Variants in PPARGC1A observed in about 807,000 individuals in gnomAD.
The protein encoded by PPARGC1A is peroxisome proliferator-activated receptor gamma coactivator 1-alpha.
In PPARGC1A, 25 loss-of-function variants were observed where a neutral mutation model predicts 88.7. The ratio of observed to expected loss-of-function variants is 0.28; its 90% CI spans 0.21 to 0.39. PPARGC1A has a LOEUF of 0.39. Among genes scored for constraint, PPARGC1A ranks in the 10% least tolerant of loss-of-function variants. The pLI, the probability that PPARGC1A is intolerant of heterozygous loss-of-function variation, is 1.00. For missense variants in PPARGC1A, 880 were observed against 968.7 expected (o/e 0.91, Z 1.22); for synonymous variants, 363 against 355.6 (o/e 1.02, Z -0.24).
chr4:23,850,671 T>C (rs1225745407), intron 2 of PPARGC1A, among the ~76,000 whole-genome samples: 1 of 152,192 alleles, frequency 6.6e-6, no homozygotes, highest in Non-Finnish European at 1.5e-5. Context: ...ACGCTCTTGC[T>C]GTGCACTAGG....
chr4:24,378,963 A>C, the PPARGC1A span, among the ~76,000 whole-genome samples: 1 of 152,210 alleles, frequency 6.6e-6, no homozygotes, highest in African/African-American at 2.4e-5. Flanking sequence ...AGTCCTTACT[A>C]TTCATAAAAA....
intron 2 of PPARGC1A, among the ~76,000 whole-genome samples, chr4:23,849,749 T>A (rs1168689574): frequency 6.6e-6 from 1 of 152,130 alleles, no homozygotes; most frequent in Non-Finnish European, 1.5e-5. Flanking sequence ...AAGGTCATAG[T>A]CTTGTTTCAT....
At chr4:24,161,451 T>G in the PPARGC1A span, among the ~76,000 whole-genome samples, 1 of 152,070 alleles carries the variant, frequency 6.6e-6, no homozygotes, top group Admixed American at 6.6e-5. Flanking sequence ...CTATGGGATG[T>G]GGGGCTGTGT....
chr4:24,441,895 G>A, the PPARGC1A span, among the ~76,000 whole-genome samples: 11 of 152,232 alleles, frequency 7.2e-5, no homozygotes, highest in Non-Finnish European at 1.3e-4. Context: ...AGCTACAAAT[G>A]CAAAATGCAG....
rs761084263 is a variant in PPARGC1A at position 23,812,769 on chromosome 4, T to A, written c.1997A>T (p.Glu666Val). The change falls in exon 10 of 13, where the codon GAG becomes GTG. Residue 666 changes from glutamate to valine, a missense_variant. Transcript: ENST00000264867. Reference sequence around the variant, plus strand: ...TACAATTGCCTTCTGCCTCTGCCTCTCCCTTTGCTTGGCCCTCTCAGACTC... The same window carrying A: ...TACAATTGCCTTCTGCCTCTGCCTCACCCTTTGCTTGGCCCTCTCAGACTC... ...KRESERAKQRERQRQKAIEER... is the reference protein window; with the variant it reads ...KRESERAKQRVRQRQKAIEER... 6.2e-7 allele frequency: 1 copy of A among 1,614,030 alleles called. No homozygotes were observed. The highest frequency in any genetic ancestry group is 1.1e-5 in the South Asian group (1 of 91,076).
chr4:24,112,352 T>C, the PPARGC1A span, among the ~76,000 whole-genome samples: 1 of 152,206 alleles, frequency 6.6e-6, no homozygotes, highest in African/African-American at 2.4e-5. Context: ...TTCTATTTTT[T>C]ACAGAAAAGC....
At chr4:24,086,601 T>C in the PPARGC1A span, among the ~76,000 whole-genome samples, 7 of 152,226 alleles carry the variant, frequency 4.6e-5, no homozygotes, top group Non-Finnish European at 1.0e-4. Flanking sequence ...ATCATTATAA[T>C]GACCTGCCGT....
chr4:24,027,227 C>CTGTGTGTGTCTG, the PPARGC1A span, among the ~76,000 whole-genome samples: 23 of 132,792 alleles, frequency 1.7e-4, no homozygotes, highest in South Asian at 5.0e-4. Flanking sequence ...GTCTGTGTGT[C>CTGTGTGTGTCTG]TGTGTGTGTC....
the PPARGC1A span, among the ~76,000 whole-genome samples, chr4:24,259,887 G>A: frequency 6.6e-6 from 1 of 152,118 alleles, no homozygotes; most frequent in Non-Finnish European, 1.5e-5. Context: ...AAGACTCAGT[G>A]AAATGCTCCT....
At chr4:23,904,906 G>A (rs948668277), upstream of PPARGC1A, among the ~76,000 whole-genome samples, 1 of 152,172 alleles carries the variant, frequency 6.6e-6, no homozygotes, top group African/African-American at 2.4e-5. Flanking sequence ...GACAGCCGCT[G>A]GCTCTTAAAG....
intron 7 of PPARGC1A, among the ~76,000 whole-genome samples, chr4:23,817,537 C>T (rs1722202716): frequency 6.6e-6 from 1 of 152,044 alleles, no homozygotes; most frequent in Admixed American, 6.6e-5. Context: ...TGCATATACA[C>T]TTAAAATTGA....
At chr4:24,135,873 A>G in the PPARGC1A span, among the ~76,000 whole-genome samples, 1 of 152,314 alleles carries the variant, frequency 6.6e-6, no homozygotes, top group African/African-American at 2.4e-5. Flanking sequence ...ATGCATCGCT[A>G]TCATGGGAGT....
At chr4:24,292,654 T>TG in the PPARGC1A span, among the ~76,000 whole-genome samples, 1 of 52,458 alleles carries the variant, frequency 1.9e-5, no homozygotes. Context: ...CCCCACCCCT[T>TG]CCTGTGCTCC....
chr4:24,304,618 A>G, the PPARGC1A span, among the ~76,000 whole-genome samples: 9 of 152,160 alleles, frequency 5.9e-5, no homozygotes, highest in Non-Finnish European at 1.2e-4. Context: ...CAGACCTCCA[A>G]ATTCAACCCT....
At chr4:24,257,435 G>C in the PPARGC1A span, among the ~76,000 whole-genome samples, 1 of 152,194 alleles carries the variant, frequency 6.6e-6, no homozygotes, top group Non-Finnish European at 1.5e-5. Context: ...TGGGCATGTA[G>C]CTGGCCAATC....
the PPARGC1A span, among the ~76,000 whole-genome samples, chr4:24,103,223 G>A: frequency 7.9e-5 from 12 of 152,102 alleles, no homozygotes; most frequent in Non-Finnish European, 1.5e-4. Context: ...AGCCTTGGCC[G>A]AGTGGGTAGT....
At chr4:24,464,642 G>A in the PPARGC1A span, among the ~76,000 whole-genome samples, 1 of 152,136 alleles carries the variant, frequency 6.6e-6, no homozygotes, top group Admixed American at 6.5e-5. Flanking sequence ...GACGTTCACT[G>A]GGCTTTTAGC....
At chr4:24,289,469 C>T in the PPARGC1A span, among the ~76,000 whole-genome samples, 1 of 152,214 alleles carries the variant, frequency 6.6e-6, no homozygotes, top group African/African-American at 2.4e-5. Flanking sequence ...ACTTCACCAA[C>T]ATCTCATTCT....
the PPARGC1A span, among the ~76,000 whole-genome samples, chr4:24,018,127 C>T: frequency 6.6e-6 from 1 of 152,122 alleles, no homozygotes; most frequent in Non-Finnish European, 1.5e-5. Context: ...TTGGCCCACT[C>T]CTGAGGTATG....
Sources: allele counts gnomAD v4.1 joint callset (sites outside exome capture counted in the v4.1 genomes callset), GRCh38; gene constraint gnomAD v4.1.1; transcripts MANE v1.5; gene names NCBI Gene and HGNC (gene_info 2026-07-23, HGNC 2026-07-21).